LPP: variants seen among roughly 807,000 people sequenced by gnomAD.
LPP encodes the protein lipoma-preferred partner.
Under a neutral mutation model 60.4 loss-of-function variants are expected in LPP, and 38 were observed. That is an observed-to-expected ratio of 0.63 (90% CI 0.49 to 0.83). LPP has a LOEUF of 0.83. LPP is among the 40% of genes least tolerant of loss of function. LPP has a pLI of 0.00. For missense variants in LPP, 902 were observed against 783.6 expected, an observed-to-expected ratio of 1.15 and a Z score of -1.80; for synonymous variants, 328 against 290.8, an observed-to-expected ratio of 1.13 and a Z score of -1.30.
intron 8 of LPP, among the ~76,000 whole-genome samples, chr3:188,719,425 C>T (rs1241084742): frequency 1.3e-5 from 2 of 152,120 alleles, no homozygotes; most frequent in African/African-American, 2.4e-5. Flanking sequence ...TGTTTCATAC[C>T]GTCTTGATAC....
intron 9 of LPP, among the ~76,000 whole-genome samples, chr3:188,864,792 A>C (rs915109156): frequency 6.6e-6 from 1 of 152,234 alleles, no homozygotes; most frequent in Non-Finnish European, 1.5e-5. Flanking sequence ...AGCTCTTTTT[A>C]CATTGTGAAG....
At position 188,531,535 on chromosome 3, in the gene LPP, A is replaced by C. The variant is rs551646999; in HGVS notation, c.429+6748A>C. Reference sequence around the variant, plus strand: ...CACCTCTCATCCTCTGGGGATGAGAAAGGGGCTAGAGATTGAATGAATAAC... The same window carrying C: ...CACCTCTCATCCTCTGGGGATGAGACAGGGGCTAGAGATTGAATGAATAAC... On this transcript the variant is annotated intron_variant, in intron 6 of 11. Transcript: ENST00000617246. Among the ~76,000 whole-genome samples, 24 of 152,284 alleles carry C rather than the reference A, an allele frequency of 1.6e-4. No homozygotes were observed. The East Asian group carries it at 4.4e-3, about 28-fold the overall frequency.
At chr3:188,252,031 GATATATATAT>G (rs10579787) in intron 2 of LPP, among the ~76,000 whole-genome samples, 627 of 41,370 alleles carry the variant, frequency 0.015, 3 homozygotes, top group Middle Eastern at 0.056. Context: ...TTTTAATCCT[GATATATATAT>G]ATATATATAT....
chr3:188,296,878 T>A (rs1748079963), intron 2 of LPP, among the ~76,000 whole-genome samples: 1 of 152,164 alleles, frequency 6.6e-6, no homozygotes, highest in Non-Finnish European at 1.5e-5. Flanking sequence ...GCCAGTTTCT[T>A]CTCCAAACTC....
At chr3:188,443,092 A>G (rs1794422372) in intron 4 of LPP, among the ~76,000 whole-genome samples, 2 of 152,218 alleles carry the variant, frequency 1.3e-5, no homozygotes, top group African/African-American at 4.8e-5. Context: ...CTTTTCTCTC[A>G]GAACTTGATT....
At chr3:188,553,919 C>T (rs182220543) in intron 6 of LPP, 1 of 152,290 alleles carries the variant, frequency 6.6e-6, no homozygotes. Flanking sequence ...GGTGCCCACA[C>T]TATATCTGAT....
At position 188,677,283 on chromosome 3, in the gene LPP, C is replaced by G. The variant is rs1353435845; in HGVS notation, c.1114-30984C>G. ...ATAGATAGCTAATACAATTATGTTA[C>G]TTTTAGAATCTAACATTTTCTTCAC... On this transcript the variant is annotated intron_variant, in intron 7 of 11. Transcript: ENST00000617246. Among the ~76,000 whole-genome samples the G allele has an allele frequency of 2.0e-5, 3 of 152,150 alleles. No homozygotes were observed. The East Asian group carries it at 5.8e-4, about 29-fold the overall frequency.
chr3:188,715,573 G>A (rs1447293733), intron 8 of LPP, among the ~76,000 whole-genome samples: 3 of 152,070 alleles, frequency 2.0e-5, no homozygotes, highest in African/African-American at 7.2e-5. Flanking sequence ...CAGTTTTAAA[G>A]TTTGTTTTTT....
intron 7 of LPP, among the ~76,000 whole-genome samples, chr3:188,660,282 T>A (rs1199489407): frequency 1.3e-5 from 2 of 152,216 alleles, no homozygotes; most frequent in Non-Finnish European, 2.9e-5. Context: ...TATTGTTCAA[T>A]GTTGGCATAT....
intron 9 of LPP, among the ~76,000 whole-genome samples, chr3:188,785,793 A>G (rs570491000): frequency 5.3e-5 from 8 of 152,016 alleles, no homozygotes; most frequent in Middle Eastern, 3.4e-3. Flanking sequence ...CATTGTTTCC[A>G]TAGGACCAGC....
intron 7 of LPP, among the ~76,000 whole-genome samples, chr3:188,690,817 C>T (rs11928063): frequency 0.024 from 3,667 of 152,130 alleles, 150 homozygotes; most frequent in African/African-American, 0.083. Flanking sequence ...TAGGGAACTC[C>T]TTAATTTTCA....
intron 10 of LPP, among the ~76,000 whole-genome samples, chr3:188,868,554 G>A (rs1767257731): frequency 6.6e-6 from 1 of 152,202 alleles, no homozygotes; most frequent in Non-Finnish European, 1.5e-5. Flanking sequence ...GGTATGTAGG[G>A]AGAGAAGTTT....
chr3:188,563,908 T>G (rs939408107), intron 6 of LPP, among the ~76,000 whole-genome samples: 1 of 151,746 alleles, frequency 6.6e-6, no homozygotes, highest in South Asian at 2.1e-4. Context: ...AGAGTAAATG[T>G]TGGGGAAGTT....
chr3:188,153,706 C>T (rs1383789945), upstream of LPP: 2 of 152,496 alleles, frequency 1.3e-5, no homozygotes, highest in Middle Eastern at 3.4e-3. Context: ...GCGGGTTTCC[C>T]CTCCCCCGCC....
At chr3:188,724,417 T>C (rs1158673615) in intron 8 of LPP, among the ~76,000 whole-genome samples, 1 of 152,202 alleles carries the variant, frequency 6.6e-6, no homozygotes, top group African/African-American at 2.4e-5. Context: ...TTGGGGGATG[T>C]TTTTAGTATG....
chr3:188,619,214 G>A (rs546834702), intron 7 of LPP, among the ~76,000 whole-genome samples: 9 of 152,150 alleles, frequency 5.9e-5, no homozygotes, highest in Admixed American at 2.6e-4. Context: ...TGGTAGAGAC[G>A]GGGTTTTACC....
chr3:188,377,770 A>T (rs1297506018), intron 3 of LPP, among the ~76,000 whole-genome samples: 8 of 152,184 alleles, frequency 5.3e-5, no homozygotes, highest in Admixed American at 5.2e-4. Flanking sequence ...CCTTTGGAGG[A>T]GGAGTGGCGC....
At chr3:188,673,716 AT>A (rs1857407964) in intron 7 of LPP, among the ~76,000 whole-genome samples, 1 of 152,014 alleles carries the variant, frequency 6.6e-6, no homozygotes, top group African/African-American at 2.4e-5. Flanking sequence ...CTCCTTCCCC[AT>A]TTTGAGTGCA....
intron 8 of LPP, among the ~76,000 whole-genome samples, chr3:188,729,228 C>T (rs1473769759): frequency 6.6e-6 from 1 of 152,234 alleles, no homozygotes; most frequent in African/African-American, 2.4e-5. Context: ...CCTAACAGAA[C>T]TTCTCTGTGG....
Sources: gnomAD v4.1 joint callset for allele counts (sites outside exome capture counted in the v4.1 genomes callset) on GRCh38, gnomAD v4.1.1 for gene constraint, MANE v1.5 for transcripts, NCBI Gene and HGNC (gene_info 2026-07-23, HGNC 2026-07-21) for gene names.